The following PCSK2 variants were observed in gnomAD, a reference collection of about 807,000 sequenced individuals.
PCSK2 encodes neuroendocrine convertase 2.
A neutral mutation model predicts 69.7 loss-of-function variants in PCSK2; 14 were observed. That is an observed-to-expected ratio of 0.20 (90% CI 0.13 to 0.31). PCSK2 has a LOEUF of 0.31. Among genes scored for constraint, PCSK2 ranks in the 10% least tolerant of loss-of-function variants. PCSK2 has a pLI of 1.00. For missense variants in PCSK2, 544 were observed against 842.5 expected (o/e 0.65, Z 4.39); for synonymous variants, 307 against 320.7 (o/e 0.96, Z 0.46).
intron 11 of PCSK2, among the ~76,000 whole-genome samples, chr20:17,473,772 C>A (rs1471102040): frequency 6.6e-6 from 1 of 152,180 alleles, no homozygotes; most frequent in Non-Finnish European, 1.5e-5. Context: ...GAATGGTGTT[C>A]TTTCTCTACC....
chr20:17,264,277 T>C (rs1003968695), intron 2 of PCSK2, among the ~76,000 whole-genome samples: 14 of 152,204 alleles, frequency 9.2e-5, no homozygotes, highest in Non-Finnish European at 4.4e-5. Flanking sequence ...AGAGAGGTTA[T>C]ATTTGAGAAT....
intron 2 of PCSK2, among the ~76,000 whole-genome samples, chr20:17,281,427 G>A (rs750155824): frequency 6.6e-5 from 10 of 152,122 alleles, no homozygotes; most frequent in African/African-American, 9.7e-5. Flanking sequence ...CCCAAATGTG[G>A]GTGCTATATA....
intron 2 of PCSK2, among the ~76,000 whole-genome samples, chr20:17,298,181 G>A (rs184399553): frequency 3.3e-4 from 51 of 152,240 alleles, no homozygotes; most frequent in African/African-American, 1.2e-3. Flanking sequence ...TCAATCCTGA[G>A]TAAGATACTA....
chr20:17,360,829 C>A (rs980723666), intron 4 of PCSK2, among the ~76,000 whole-genome samples, 189 bp downstream of exon 4: 4 of 152,146 alleles, frequency 2.6e-5, no homozygotes, highest in Non-Finnish European at 5.9e-5. Flanking sequence ...CTTGAGGTTG[C>A]ACTTAACAAA....
intron 7 of PCSK2, among the ~76,000 whole-genome samples, chr20:17,432,411 A>G (rs1437188368): frequency 6.6e-6 from 1 of 152,236 alleles, no homozygotes; most frequent in African/African-American, 2.4e-5. Context: ...TTCAAGCTTT[A>G]ATAACCCCAG....
intron 1 of PCSK2, chr20:17,228,202 T>G (rs1986005483): frequency 6.6e-6 from 1 of 152,170 alleles, no homozygotes; most frequent in Non-Finnish European, 1.5e-5. Context: ...GAAGTCGAGG[T>G]GTCCTCTCCT....
chr20:17,481,266 T>C (rs6080709), intron 11 of PCSK2, among the ~76,000 whole-genome samples: 22,500 of 151,354 alleles, frequency 0.15, 2,012 homozygotes, highest in Middle Eastern at 0.2. Context: ...CCTGTAACCC[T>C]GGCTACTGGG....
At chr20:17,444,210 T>G (rs2032652289) in intron 8 of PCSK2, among the ~76,000 whole-genome samples, 1 of 152,176 alleles carries the variant, frequency 6.6e-6, no homozygotes, top group Non-Finnish European at 1.5e-5. Context: ...TGTCTTTCAA[T>G]TTTATCATCC....
rs201065756 is a variant in PCSK2, at chr20:17,380,134, CA to C, written c.543+10858del. ...GCAAAAGCCCCAGTTAACCCACGTC[CA>C]GAAACTCTGAGATAAATTTGTGTTG... On this transcript the variant is annotated intron_variant, in intron 5 of 11. Transcript: ENST00000262545. 8.5e-3 allele frequency among the ~76,000 whole-genome samples: 1,301 copies of C among 152,282 alleles called. 7 individuals are homozygous for C. Among genetic ancestry groups the C allele is most frequent in the Non-Finnish European group, 0.014 (979 of 68,022 alleles).
At chr20:17,444,698 G>A (rs1396669140) in intron 8 of PCSK2, among the ~76,000 whole-genome samples, 1 of 152,200 alleles carries the variant, frequency 6.6e-6, no homozygotes, top group East Asian at 1.9e-4. Context: ...GGTGTGGCAG[G>A]AAAGAGACAG....
chr20:17,370,048 G>A (rs576799991), intron 5 of PCSK2, among the ~76,000 whole-genome samples: 5 of 152,182 alleles, frequency 3.3e-5, no homozygotes, highest in African/African-American at 7.2e-5. Flanking sequence ...CAGTTCACAC[G>A]CTGCTTTCCT....
At chr20:17,316,907 A>G (rs1310115006) in intron 2 of PCSK2, among the ~76,000 whole-genome samples, 1 of 152,176 alleles carries the variant, frequency 6.6e-6, no homozygotes, top group Non-Finnish European at 1.5e-5. Flanking sequence ...TGCAGGCTTT[A>G]AAAAAATCTG....
At chr20:17,242,408 G>GA (rs1458446335) in intron 1 of PCSK2, among the ~76,000 whole-genome samples, 1 of 152,192 alleles carries the variant, frequency 6.6e-6, no homozygotes, top group African/African-American at 2.4e-5. Context: ...CTATGAAGAT[G>GA]AGGCACATTG....
intron 5 of PCSK2, among the ~76,000 whole-genome samples, chr20:17,371,159 T>C (rs568528405): frequency 6.6e-6 from 1 of 152,196 alleles, no homozygotes; most frequent in Admixed American, 6.5e-5. Flanking sequence ...TGAGGGCACA[T>C]GGCCTGTCTC....
intron 2 of PCSK2, among the ~76,000 whole-genome samples, chr20:17,264,825 C>T (rs1448684936): frequency 6.6e-6 from 1 of 151,722 alleles, no homozygotes; most frequent in African/African-American, 2.4e-5. Flanking sequence ...AGGGAAAATG[C>T]TGTTATCTTT....
chr20:17,352,368 C>A (rs1240697810), intron 2 of PCSK2, among the ~76,000 whole-genome samples: 2 of 152,128 alleles, frequency 1.3e-5, no homozygotes, highest in African/African-American at 4.8e-5. Context: ...TTCTATAAAA[C>A]CAAAAAGAGC....
At chr20:17,348,951 T>C (rs910933383) in intron 2 of PCSK2, among the ~76,000 whole-genome samples, 2 of 152,212 alleles carry the variant, frequency 1.3e-5, no homozygotes, top group African/African-American at 4.8e-5. Context: ...CCCGTGGCTC[T>C]GCCCTTGGCT....
chr20:17,252,606 C>T (rs568133542), intron 1 of PCSK2, among the ~76,000 whole-genome samples: 61 of 152,266 alleles, frequency 4.0e-4, no homozygotes, highest in African/African-American at 1.4e-3. Flanking sequence ...CGAGGAAGAG[C>T]GAGAATTTAA....
intron 1 of PCSK2, among the ~76,000 whole-genome samples, chr20:17,238,481 A>G (rs1568565292): frequency 6.6e-6 from 1 of 152,204 alleles, no homozygotes. Context: ...TAAATGAAGG[A>G]AATAAATGAG....
Sources: allele counts gnomAD v4.1 joint callset (sites outside exome capture counted in the v4.1 genomes callset), GRCh38; gene constraint gnomAD v4.1.1; transcripts MANE v1.5; gene names NCBI Gene and HGNC (gene_info 2026-07-23, HGNC 2026-07-21).